Variants in LRRC28 observed in about 807,000 individuals in gnomAD.
The protein encoded by LRRC28 is leucine-rich repeat-containing protein 28.
Under a neutral mutation model 45.7 loss-of-function variants are expected in LRRC28, and 39 were observed. The ratio of observed to expected loss-of-function variants is 0.85; its 90% confidence interval spans 0.66 to 1.12. LRRC28 has a LOEUF of 1.12. Ranked by LOEUF, LRRC28 falls within the 50% of genes most tolerant of loss-of-function variation. The probability of loss-of-function intolerance (pLI) is 0.00; values close to 1 mark genes in which losing one functional copy is unlikely to be tolerated. For synonymous variants in LRRC28, 206 were observed against 178.8 expected (o/e 1.15, Z -1.22); for missense variants, 435 against 438.5 (o/e 0.99, Z 0.07).
rs751478689 is a variant in LRRC28, at chr15:99,386,039, TGTTA to T, written c.1045_1048del (p.Ser349LeufsTer17). The T allele has an allele frequency of 6.2e-7, 1 of 1,614,016 alleles. No homozygotes were observed. The highest frequency in any genetic ancestry group is 1.7e-5 in the Admixed American group (1 of 60,016). On this transcript the variant is annotated frameshift_variant, in exon 10 of 10. Coordinates refer to ENST00000301981, the MANE Select transcript of LRRC28 (RefSeq NM_144598.5). LOFTEE classifies it high-confidence loss of function. ...CTTTTTCCCCTTCCAGGAAGACAAC[TGTTA>T]GTTTTGTGGCTTACTGCTGCTCCAC...
intron 2 of LRRC28, among the ~76,000 whole-genome samples, chr15:99,263,130 C>G (rs1157320878): frequency 7.5e-6 from 1 of 133,332 alleles, no homozygotes; most frequent in Non-Finnish European, 1.6e-5. Context: ...GGCAACATCA[C>G]AAAATGCTGT....
At chr15:99,313,339 A>G (rs943548364) in intron 5 of LRRC28, among the ~76,000 whole-genome samples, 2 of 152,120 alleles carry the variant, frequency 1.3e-5, no homozygotes, top group African/African-American at 4.8e-5. Context: ...AAACAACGCA[A>G]TTATGTTGAA....
Position 99,348,742 on chromosome 15 carries a change from TTG to T in LRRC28, c.593-3625_593-3624del, listed in dbSNP as rs1956775256. 2.0e-5 allele frequency among the ~76,000 whole-genome samples: 3 copies of T among 149,280 alleles called. No homozygotes were observed. The East Asian group carries it at 5.9e-4, about 29-fold the overall frequency. On this transcript the variant is annotated intron_variant, in intron 6 of 9. Coordinates refer to ENST00000301981, the MANE Select transcript of LRRC28 (RefSeq NM_144598.5). Reference sequence around the variant, plus strand: ...ATTGCTTTGGCTATTTGGGTTTTTTTTGTTGTTTTTTTTTTGTTTTTTTTGTA... The same window carrying T: ...ATTGCTTTGGCTATTTGGGTTTTTTTTTGTTTTTTTTTTGTTTTTTTTGTA...
intron 6 of LRRC28, among the ~76,000 whole-genome samples, chr15:99,346,850 T>C (rs1944474053): frequency 1.3e-5 from 2 of 152,184 alleles, no homozygotes; most frequent in East Asian, 3.8e-4. Context: ...TTGCATGACC[T>C]CTGTTCAGTG....
intron 5 of LRRC28, among the ~76,000 whole-genome samples, chr15:99,330,010 A>G (rs1956109759): frequency 6.6e-6 from 1 of 152,218 alleles, no homozygotes. Context: ...AAAGTGACCT[A>G]TCAAGTATTG....
chr15:99,258,822 C>T, intron 2 of LRRC28: 2 of 698,082 alleles, frequency 2.9e-6, no homozygotes, highest in Non-Finnish European at 2.7e-6. Flanking sequence ...GAATATGGAT[C>T]TAAAAAGAGC....
chr15:99,295,224 C>T (rs2082232573), intron 5 of LRRC28, among the ~76,000 whole-genome samples: 1 of 152,160 alleles, frequency 6.6e-6, no homozygotes, highest in African/African-American at 2.4e-5. Context: ...GTTTTTGTTG[C>T]TGTTGCTGCT....
At chr15:99,351,082 A>T (rs1956862385) in intron 6 of LRRC28, among the ~76,000 whole-genome samples, 1 of 152,024 alleles carries the variant, frequency 6.6e-6, no homozygotes, top group African/African-American at 2.4e-5. Context: ...TTACAGGCAT[A>T]AGCACCACCA....
At chr15:99,372,910 A>G (rs912123094) in intron 9 of LRRC28, among the ~76,000 whole-genome samples, 2 of 152,114 alleles carry the variant, frequency 1.3e-5, no homozygotes, top group African/African-American at 4.8e-5. Context: ...TGTCCTTCAC[A>G]TGGCAGCAGG....
chr15:99,287,381 C>T, intron 4 of LRRC28, 87 bp downstream of exon 4: 1 of 1,039,130 alleles, frequency 9.6e-7, no homozygotes, highest in Non-Finnish European at 1.3e-6. Flanking sequence ...TTTAAGACAC[C>T]TTTAATTTTT....
chr15:99,284,711 C>G, intron 3 of LRRC28: 1 of 516,978 alleles, frequency 1.9e-6, no homozygotes, highest in Non-Finnish European at 3.8e-6. Flanking sequence ...TTGGACTCCA[C>G]CCCCATAGGA....
chr15:99,345,017 T>C (rs1438894280), intron 6 of LRRC28, among the ~76,000 whole-genome samples: 4 of 152,206 alleles, frequency 2.6e-5, no homozygotes, highest in Admixed American at 6.5e-5. Context: ...TTACTAATAA[T>C]GAGAACAGTA....
chr15:99,268,363 T>C (rs1369840692), intron 2 of LRRC28, among the ~76,000 whole-genome samples: 1 of 152,162 alleles, frequency 6.6e-6, no homozygotes, highest in Admixed American at 6.5e-5. Flanking sequence ...AGTTTCTGCC[T>C]AGGGAGTTAG....
intron 3 of LRRC28, chr15:99,284,798 A>G (rs2081912417): frequency 1.9e-6 from 1 of 539,164 alleles, no homozygotes; most frequent in Admixed American, 1.9e-5. Context: ...TGTCAAAATC[A>G]TTGTAGCTTC....
chr15:99,285,548 C>T (rs1482530248), intron 3 of LRRC28: 6 of 1,050,866 alleles, frequency 5.7e-6, no homozygotes, highest in South Asian at 2.9e-5. Context: ...CTCAGCTGTT[C>T]GGGCTCTTTA....
chr15:99,282,177 G>GTTTTTTTTTTTTTTTTTTTTTTTTTTT lies in LRRC28; in HGVS notation c.210-5066_210-5065insTTTTTTTTTTTTTTTTTTTTTTTTTTT, dbSNP rs766338889. ...GGATTCCTTATGCAAATTTTTGGAGGTTTTTTTTTTTTTTGTAGCAGTAGC... is the reference window on the plus strand; with the variant it reads ...GGATTCCTTATGCAAATTTTTGGAGGTTTTTTTTTTTTTTTTTTTTTTTTTTTTTTTTTTTTTTTTTGTAGCAGTAGC... On this transcript the variant is annotated intron_variant, in intron 3 of 9. Transcript: ENST00000301981. Among the ~76,000 whole-genome samples, 562 of 97,940 alleles carry GTTTTTTTTTTTTTTTTTTTTTTTTTTT rather than the reference G, an allele frequency of 5.7e-3. 52 individuals carry two copies. The highest frequency in any genetic ancestry group is 7.8e-3 in the Middle Eastern group (1 of 128). 64.3% of individuals were successfully genotyped at this position (97,940 alleles called of 152,430 possible).
chr15:99,381,321 A>G (rs887528891), intron 9 of LRRC28, among the ~76,000 whole-genome samples: 2 of 152,202 alleles, frequency 1.3e-5, no homozygotes, highest in Non-Finnish European at 2.9e-5. Context: ...CAGTTGATCA[A>G]ATCGGCTACT....
intron 9 of LRRC28, among the ~76,000 whole-genome samples, chr15:99,381,002 T>C (rs1004520980): frequency 9.9e-5 from 15 of 152,204 alleles, no homozygotes; most frequent in Admixed American, 3.9e-4. Flanking sequence ...ATCTGATAAT[T>C]ATGTATCTTG....
At position 99,345,167 on chromosome 15, in the gene LRRC28, A is replaced by G. The variant is rs150472276; in HGVS notation, c.593-7202A>G. On this transcript the variant is annotated intron_variant, in intron 6 of 9. Transcript: ENST00000301981. The stretch of plus-strand genomic sequence containing the variant: ...GAGGAAACTAAGCCGCACATTTAGT[A>G]AATAGAACAAGGATTCAAACCCCAG... Among the ~76,000 whole-genome samples the G allele has an allele frequency of 2.0e-5, 3 of 152,174 alleles. No homozygotes were observed. The East Asian group carries it at 5.8e-4, about 29-fold the overall frequency.
Sources: allele counts gnomAD v4.1 joint callset (sites outside exome capture counted in the v4.1 genomes callset), GRCh38; gene constraint gnomAD v4.1.1; transcripts MANE v1.5; gene names NCBI Gene and HGNC (gene_info 2026-07-23, HGNC 2026-07-21).